The following OSTN variants were observed in gnomAD, a reference collection of about 807,000 sequenced individuals.
OSTN encodes osteocrin.
OSTN carries 9 observed loss-of-function variants against 12.0 expected under a neutral mutation model. The ratio of observed to expected loss-of-function variants is 0.75; its 90% CI spans 0.45 to 1.30. The LOEUF (loss-of-function observed/expected upper bound fraction) is 1.30. Ranked by LOEUF, OSTN falls within the 50% of genes most tolerant of loss-of-function variation. The pLI is 0.00. For missense variants in OSTN, 148 were observed against 152.3 expected (o/e 0.97, Z 0.15); for synonymous variants, 59 against 56.9 (o/e 1.04, Z -0.16).
chr3:191,207,014 C>T (rs1053891742), intron 1 of OSTN, among the ~76,000 whole-genome samples: 7 of 152,104 alleles, frequency 4.6e-5, no homozygotes, highest in African/African-American at 1.7e-4. Context: ...GCGGTGTTGT[C>T]GGCAGGCACG....
At chr3:191,213,858 T>C (rs1204424402) in intron 2 of OSTN, among the ~76,000 whole-genome samples, 1 of 152,110 alleles carries the variant, frequency 6.6e-6, no homozygotes, top group African/African-American at 2.4e-5. Context: ...TGGAGGATGC[T>C]TGGAAAGATA....
intron 4 of OSTN, among the ~76,000 whole-genome samples, chr3:191,252,404 G>A (rs1056393291): frequency 6.6e-6 from 1 of 152,088 alleles, no homozygotes; most frequent in Non-Finnish European, 1.5e-5. Context: ...AGAAATTTCA[G>A]CAACTACCAA....
At chr3:191,237,503 G>A (rs146370358) in intron 3 of OSTN, among the ~76,000 whole-genome samples, 22 of 152,284 alleles carry the variant, frequency 1.4e-4, no homozygotes, top group East Asian at 9.7e-4. Flanking sequence ...TTGGAAGAAG[G>A]CCAAGCAGGC....
chr3:191,210,700 G>A (rs1422647216), intron 1 of OSTN, among the ~76,000 whole-genome samples: 1 of 152,148 alleles, frequency 6.6e-6, no homozygotes, highest in African/African-American at 2.4e-5. Flanking sequence ...TTTACCCCCA[G>A]CAGGTTTTCC....
intron 2 of OSTN, among the ~76,000 whole-genome samples, chr3:191,217,850 C>T (rs547197763): frequency 6.6e-6 from 1 of 151,822 alleles, no homozygotes; most frequent in African/African-American, 2.4e-5. Flanking sequence ...CAATGCAGAA[C>T]CTAGCACACA....
At chr3:191,207,959 G>C (rs1323828027) in intron 1 of OSTN, among the ~76,000 whole-genome samples, 8 of 152,106 alleles carry the variant, frequency 5.3e-5, no homozygotes, top group Non-Finnish European at 7.4e-5. Flanking sequence ...TACAACATAA[G>C]ACATTTGTTT....
chr3:191,246,343 C>A (rs550348830), intron 3 of OSTN, among the ~76,000 whole-genome samples: 2 of 152,026 alleles, frequency 1.3e-5, no homozygotes, highest in Admixed American at 1.3e-4. Flanking sequence ...TGGTGGCTCA[C>A]GCCAGTAATC....
intron 3 of OSTN, among the ~76,000 whole-genome samples, chr3:191,241,767 G>A (rs1715327316): frequency 6.6e-6 from 1 of 152,110 alleles, no homozygotes; most frequent in Non-Finnish European, 1.5e-5. Context: ...AGCCTTACAA[G>A]TTTTAAAGGC....
chr3:191,229,455 T>A (rs1714995024), intron 3 of OSTN, among the ~76,000 whole-genome samples: 1 of 151,680 alleles, frequency 6.6e-6, no homozygotes, highest in Admixed American at 6.6e-5. Context: ...AATACAGGAG[T>A]GGGAGTGGAA....
intron 3 of OSTN, among the ~76,000 whole-genome samples, chr3:191,222,692 G>A (rs564205723): frequency 6.6e-6 from 1 of 152,118 alleles, no homozygotes; most frequent in African/African-American, 2.4e-5. Context: ...TTTGGGAGGG[G>A]CCAGGGATGG....
In OSTN at chr3:191,248,358, A is replaced by C. The variant is rs1478028048; in HGVS notation, c.318-1679A>C. 3.3e-5 allele frequency among the ~76,000 whole-genome samples: 5 copies of C among 152,356 alleles called. No individual in the cohort carries two copies. In the East Asian group the frequency reaches 7.7e-4, roughly 23 times the overall value. On this transcript the variant is annotated intron_variant, in intron 3 of 4. Coordinates refer to ENST00000682035, the MANE Select transcript of OSTN (RefSeq NM_198184.2). ...AAAAGAACCTTTCTACATATCAGGT[A>C]CACAGTAAATTATAATAGAAAAAAC...
Position 191,255,855 on chromosome 3 carries a change from C to G in OSTN, c.*12+5722C>G, listed in dbSNP as rs145200892. Among the ~76,000 whole-genome samples the G allele has an allele frequency of 9.8e-3, 1,492 of 152,002 alleles. 17 individuals are homozygous for G. Among genetic ancestry groups the G allele is most frequent in the Non-Finnish European group, 0.013 (916 of 67,938 alleles). On this transcript the variant is annotated intron_variant, in intron 4 of 4. Transcript: ENST00000682035. Reference sequence around the variant, plus strand: ...CTGCTTGATGTTGCGTTAGCAGTTGCCATGAATGCATCAGCTTTTTAATTA... The same window carrying G: ...CTGCTTGATGTTGCGTTAGCAGTTGGCATGAATGCATCAGCTTTTTAATTA...
intron 1 of OSTN, 99 bp from the exon 2 acceptor site, chr3:191,212,434 G>T: frequency 2.0e-6 from 1 of 503,814 alleles, no homozygotes; most frequent in Non-Finnish European, 3.4e-6. Flanking sequence ...CGAATAATTT[G>T]GCTTACCATT....
intron 3 of OSTN, among the ~76,000 whole-genome samples, chr3:191,224,147 G>T (rs1714845451): frequency 6.6e-6 from 1 of 152,124 alleles, no homozygotes; most frequent in African/African-American, 2.4e-5. Flanking sequence ...GGATGCTGAG[G>T]CGGGCAGATC....
chr3:191,261,156 A>G (rs1715800770), intron 4 of OSTN, among the ~76,000 whole-genome samples: 2 of 152,134 alleles, frequency 1.3e-5, no homozygotes, highest in South Asian at 2.1e-4. Flanking sequence ...ACTGCACCCA[A>G]CTGAAGGTGC....
chr3:191,232,478 A>AT (rs921333736), intron 3 of OSTN, among the ~76,000 whole-genome samples: 1 of 148,376 alleles, frequency 6.7e-6, no homozygotes, highest in Non-Finnish European at 1.5e-5. Flanking sequence ...TATTACTATT[A>AT]TTTTTTTCTA....
At chr3:191,225,576 A>G (rs1299936350) in intron 3 of OSTN, among the ~76,000 whole-genome samples, 1 of 152,196 alleles carries the variant, frequency 6.6e-6, no homozygotes, top group Non-Finnish European at 1.5e-5. Context: ...GAATCACCTA[A>G]GTGTCCAATA....
intron 1 of OSTN, among the ~76,000 whole-genome samples, chr3:191,212,223 G>T (rs1174592040): frequency 6.6e-6 from 1 of 152,018 alleles, no homozygotes; most frequent in South Asian, 2.1e-4. Flanking sequence ...TAATCTCTAG[G>T]TCTGACAGTA....
rs140153742 is a variant in OSTN at position 191,232,670 on chromosome 3, G to A, written c.317+13709G>A. Among the ~76,000 whole-genome samples, 1,055 of 146,090 alleles carry A rather than the reference G, an allele frequency of 7.2e-3. 9 individuals are homozygous for A. The highest frequency in any genetic ancestry group is 0.025 in the African/African-American group (997 of 39,420). ...GGCTGGAGTGCAATGGTGAGATCTC[G>A]GCTCACTGCTCCCTCCACCTCCCAG... On this transcript the variant is annotated intron_variant, in intron 3 of 4. Transcript: ENST00000682035.
Sources: allele counts gnomAD v4.1 joint callset (sites outside exome capture counted in the v4.1 genomes callset), GRCh38; gene constraint gnomAD v4.1.1; transcripts MANE v1.5; gene names NCBI Gene and HGNC (gene_info 2026-07-23, HGNC 2026-07-21).